The following ATP13A1 variants were observed in gnomAD, a reference collection of about 807,000 sequenced individuals.
ATP13A1 encodes the protein ATPase 13A1, also known as endoplasmic reticulum transmembrane helix translocase.
ATP13A1 carries 55 observed loss-of-function variants against 134.8 expected under a neutral mutation model. The ratio of observed to expected loss-of-function variants is 0.41; its 90% CI spans 0.33 to 0.51. ATP13A1 has a LOEUF of 0.51. Ranked by LOEUF, ATP13A1 falls within the 20% of genes least tolerant of loss-of-function variation. The pLI is 0.29. For synonymous variants in ATP13A1, 775 were observed against 725.1 expected (o/e 1.07, Z -1.10); for missense variants, 1,389 against 1,652.8 (o/e 0.84, Z 2.77).
intron 17 of ATP13A1, 114 bp downstream of exon 17, chr19:19,651,575 G>T: frequency 1.4e-6 from 1 of 730,166 alleles, no homozygotes; most frequent in Non-Finnish European, 2.2e-6. Flanking sequence ...GTGGTGCCAG[G>T]CATTTGAAGA....
In ATP13A1 at chr19:19,647,768, C is replaced by A. The variant is rs748767486; in HGVS notation, c.2633-9G>T. 1.6e-5 allele frequency: 26 copies of A among 1,586,650 alleles called. No individual in the cohort carries two copies. In the South Asian group the frequency reaches 2.7e-4, roughly 16 times the overall value. On this transcript the variant is annotated splice_polypyrimidine_tract_variant and intron_variant, in intron 19 of 25. Transcript: ENST00000357324. This position sits in a 1 kb window ranked among gnomAD's most constrained non-coding sequence, Gnocchi z 4.8. ...GGCCAAGAGCGCCACACCTGGGGGGCAGGAGGGTGTCAGACCCGGAGGAGC... is the reference window on the plus strand; with the variant it reads ...GGCCAAGAGCGCCACACCTGGGGGGAAGGAGGGTGTCAGACCCGGAGGAGC...
At position 19,649,870 on chromosome 19, in the gene ATP13A1, T is replaced by A; in HGVS notation, c.2406A>T (p.Ala802=). ...GGCACAGTGCGTACTCCAGGGCCAG[T>A]GCCTTTGGGGAGCCCCGGGCCAGGG... ...VLPLARGSPK[A]LALEYALCLT... Residue 802 remains alanine (A), a synonymous_variant, in exon 18 of 26, where the codon GCA becomes GCT. Transcript: ENST00000357324. The A allele has an allele frequency of 6.2e-7, 1 of 1,603,042 alleles. No homozygotes were observed. Among genetic ancestry groups the A allele is most frequent in the Middle Eastern group, 1.7e-4 (1 of 5,930 alleles).
Position 19,649,892 on chromosome 19 carries a change from AG to A in ATP13A1, c.2383del (p.Leu795TrpfsTer58). The part of the protein sequence containing the change: ...RSIDGSIVLP[L>X]ARGSPKALAL... ...CAGTGCCTTTGGGGAGCCCCGGGCC[AG>A]GGGCAGCACGATGCTGCCGTCAATG... is the stretch of plus-strand genomic sequence containing the variant. On this transcript the variant is annotated frameshift_variant, in exon 18 of 26. Transcript: ENST00000357324. LOFTEE classifies it high-confidence loss of function. 6.2e-7 allele frequency: 1 copy of A among 1,600,794 alleles called. No individual in the cohort carries two copies.
rs1599434452 is a variant in ATP13A1, at chr19:19,655,989, T to C, written c.1214-56A>G. ...CTGTCTCCTCGTCCTGACTCCCTCATGATCAAGCAGACGGGCAAAGGGGGT... is the reference window on the plus strand; with the variant it reads ...CTGTCTCCTCGTCCTGACTCCCTCACGATCAAGCAGACGGGCAAAGGGGGT... On this transcript the variant is annotated intron_variant, in intron 8 of 25. Coordinates refer to ENST00000357324, the MANE Select transcript of ATP13A1 (RefSeq NM_020410.3). The surrounding 1 kb of genome is among the most constrained non-coding windows in gnomAD (Gnocchi z 5.7). 1.9e-6 allele frequency: 3 copies of C among 1,610,854 alleles called. No homozygotes were observed. Among genetic ancestry groups the C allele is most frequent in the Non-Finnish European group, 2.5e-6 (3 of 1,179,308 alleles).
rs778329799 is a variant in ATP13A1, at chr19:19,649,583, C to G, written c.2616G>C (p.Leu872=). ...CGDGTNDVGA[L]KHADVGVALL... ...AGCACTCACCCACGTCAGCATGCTTCAGGGCGCCCACGTCGTTGGTGCCAT... is the reference window on the plus strand; with the variant it reads ...AGCACTCACCCACGTCAGCATGCTTGAGGGCGCCCACGTCGTTGGTGCCAT... Residue 872 remains leucine (L), a synonymous_variant, in exon 19 of 26, where the codon CTG becomes CTC. Transcript: ENST00000357324. 20 of 1,613,546 alleles carry G rather than the reference C, an allele frequency of 1.2e-5. 1 individual carries two copies. In the South Asian group the frequency reaches 2.2e-4, roughly 18 times the overall value.
rs929700741 is a variant in ATP13A1 at position 19,647,785 on chromosome 19, C to T, written c.2633-26G>A. On this transcript the variant is annotated intron_variant, in intron 19 of 25. Transcript: ENST00000357324. This position sits in a 1 kb window ranked among gnomAD's most constrained non-coding sequence, Gnocchi z 4.8. ...CTGGGGGGCAGGAGGGTGTCAGACC[C>T]GGAGGAGCAGGCTCCACGGAGGGGA... 8.3e-6 allele frequency: 13 copies of T among 1,569,442 alleles called. No individual in the cohort carries two copies. The highest frequency in any genetic ancestry group is 4.6e-5 in the East Asian group (2 of 43,682).
chr19:19,647,222 G>A lies in ATP13A1; in HGVS notation c.3012C>T (p.Val1004=), dbSNP rs375921307. ...TGAACTTGACTCCCTCCAGGTAGAG[G>A]ACGCTCTGGCTGTAGGCCAGGATGA... ...NALILAYSQS[V]LYLEGVKFSD... The change falls in exon 22 of 26, where the codon GTC becomes GTT. Residue 1004 remains valine (V), a synonymous_variant. Transcript: ENST00000357324. This position sits in a 1 kb window ranked among gnomAD's most constrained non-coding sequence, Gnocchi z 4.8. 5.6e-6 allele frequency: 9 copies of A among 1,613,830 alleles called. No homozygotes were observed. The highest frequency in any genetic ancestry group is 2.7e-5 in the African/African-American group (2 of 74,934).
chr19:19,658,530 T>C (rs902463922), intron 3 of ATP13A1, among the ~76,000 whole-genome samples: 5 of 152,188 alleles, frequency 3.3e-5, no homozygotes, highest in Non-Finnish European at 7.3e-5. Flanking sequence ...GTAGTCAACA[T>C]ATTTGTAATC....
At position 19,654,547 on chromosome 19, in the gene ATP13A1, G is replaced by A. The variant is rs770821701; in HGVS notation, c.1809C>T (p.Thr603=). The A allele has an allele frequency of 5.0e-6, 8 of 1,605,918 alleles. No homozygotes were observed. The highest frequency in any genetic ancestry group is 1.1e-5 in the South Asian group (1 of 90,438). ...CCTGAGGCCCCAGCCCCTCACCTTT[G>A]GTCAGCGTCCAGTCCACGGCCGTCA... ...AMLTAVDWTL[T]KDEKVFPRSI... Residue 603 remains threonine, a synonymous_variant, in exon 13 of 26, where the codon ACC becomes ACT. Coordinates refer to ENST00000357324, the MANE Select transcript of ATP13A1 (RefSeq NM_020410.3).
At position 19,647,791 on chromosome 19, in the gene ATP13A1, A is replaced by T; in HGVS notation, c.2633-32T>A. On this transcript the variant is annotated intron_variant, in intron 19 of 25. Coordinates refer to ENST00000357324, the MANE Select transcript of ATP13A1 (RefSeq NM_020410.3). This position sits in a 1 kb window ranked among gnomAD's most constrained non-coding sequence, Gnocchi z 4.8. ...GGCAGGAGGGTGTCAGACCCGGAGG[A>T]GCAGGCTCCACGGAGGGGAAGATTG... 1 of 1,560,506 alleles carries T rather than the reference A, an allele frequency of 6.4e-7. No individual in the cohort carries two copies. The highest frequency in any genetic ancestry group is 8.6e-7 in the Non-Finnish European group (1 of 1,159,274).
rs1157891583 is a variant in ATP13A1, at chr19:19,655,969, T to A, written c.1214-36A>T. On this transcript the variant is annotated intron_variant, in intron 8 of 25. Transcript: ENST00000357324. This position sits in a 1 kb window ranked among gnomAD's most constrained non-coding sequence, Gnocchi z 5.7. ...AAGCAGAGTCACCGTCATGCCTGTC[T>A]CCTCGTCCTGACTCCCTCATGATCA... The A allele has an allele frequency of 6.2e-7, 1 of 1,607,710 alleles. No homozygotes were observed. Among genetic ancestry groups the A allele is most frequent in the Non-Finnish European group, 8.5e-7 (1 of 1,178,808 alleles).
chr19:19,651,922 T>C (rs2062027175), intron 16 of ATP13A1, 125 bp from the exon 17 acceptor site: 1 of 721,126 alleles, frequency 1.4e-6, no homozygotes, highest in Non-Finnish European at 2.3e-6. Flanking sequence ...CTAACCGAGA[T>C]GCTGAATGGG....
chr19:19,655,602 T>C lies in ATP13A1; in HGVS notation c.1322A>G (p.Asn441Ser). Residue 441 changes from asparagine to serine, a missense_variant, in exon 10 of 26, where the codon AAC becomes AGC. By Grantham distance (46) the Asn-to-Ser change is conservative. This residue lies in a region of ATP13A1 where 747 missense variants were observed against 956.1 expected (regional missense o/e 0.78). Coordinates refer to ENST00000357324, the MANE Select transcript of ATP13A1 (RefSeq NM_020410.3). This position sits in a 1 kb window ranked among gnomAD's most constrained non-coding sequence, Gnocchi z 5.7. Reference protein sequence around the residue: ...LFGVKRVTANNLETFIFILFL... With the variant: ...LFGVKRVTANSLETFIFILFL... ...GAGGATGAAGATGAAGGTCTCCAGG[T>C]TGTTCGCAGTCACCCTCTTGACCCC... 1 of 1,613,834 alleles carries C rather than the reference T, an allele frequency of 6.2e-7. No homozygotes were observed. Among genetic ancestry groups the C allele is most frequent in the Non-Finnish European group, 8.5e-7 (1 of 1,179,838 alleles).
At position 19,655,916 on chromosome 19, in the gene ATP13A1, C is replaced by T. The variant is rs1425212376; in HGVS notation, c.1231G>A (p.Val411Met). Residue 411 changes from valine (V) to methionine (M), a missense_variant, in exon 9 of 26, where the codon GTG becomes ATG. Transcript: ENST00000357324. This position sits in a 1 kb window ranked among gnomAD's most constrained non-coding sequence, Gnocchi z 5.7. Reference protein sequence around the residue: ...TGLKPVDSGCVAYVLRTGFNT... With the variant: ...TGLKPVDSGCMAYVLRTGFNT... Reference sequence around the variant, plus strand: ...AATCCGGTCCGCAGGACGTAGGCCACGCACCCGCTGTCAACCGCTGGGGAG... The same window carrying T: ...AATCCGGTCCGCAGGACGTAGGCCATGCACCCGCTGTCAACCGCTGGGGAG... 3 of 1,599,910 alleles carry T rather than the reference C, an allele frequency of 1.9e-6. No individual in the cohort carries two copies. Among genetic ancestry groups the T allele is most frequent in the Admixed American group, 1.7e-5 (1 of 59,102 alleles).
In ATP13A1 at chr19:19,647,125, C is replaced by T; in HGVS notation, c.3105+4G>A. ...CCTGGCCTTCCAGCACCTCTGGGGC[C>T]CACCTTGGAACGGGAGATGAAGAGG... On this transcript the variant is annotated splice_donor_region_variant and intron_variant, in intron 22 of 25. Transcript: ENST00000357324. This position sits in a 1 kb window ranked among gnomAD's most constrained non-coding sequence, Gnocchi z 4.8. The T allele has an allele frequency of 2.5e-6, 4 of 1,609,658 alleles. No individual in the cohort carries two copies. The highest frequency in any genetic ancestry group is 3.4e-6 in the Non-Finnish European group (4 of 1,177,628).
At chr19:19,654,196 C>A in intron 13 of ATP13A1, 52 bp from the exon 14 acceptor site, 2 of 1,510,474 alleles carry the variant, frequency 1.3e-6, no homozygotes, top group Non-Finnish European at 1.8e-6. Flanking sequence ...AAGAGGCAGC[C>A]AAGCCCCTAC....
chr19:19,658,705 C>G (rs1486243076), intron 3 of ATP13A1, among the ~76,000 whole-genome samples: 1 of 152,190 alleles, frequency 6.6e-6, no homozygotes, highest in Non-Finnish European at 1.5e-5. Flanking sequence ...AGAGGGTGTG[C>G]ACCGCACATT....
In ATP13A1 at chr19:19,647,302, G is replaced by A; in HGVS notation, c.2932C>T (p.Arg978Cys). ...TGTAGCGTGGTCACCAGCGTGCAGC[G>A]GCCCTGCTTGATCACGTGGCAGACT... ...QCICHVIKQG[R>C]CTLVTTLQMF... Residue 978 changes from arginine to cysteine, a missense_variant, in exon 22 of 26, where the codon CGC (arginine) becomes TGC (cysteine). By Grantham distance (180) the Arg-to-Cys change is radical. Transcript: ENST00000357324. The surrounding 1 kb of genome is among the most constrained non-coding windows in gnomAD (Gnocchi z 4.8). 2 of 1,613,182 alleles carry A rather than the reference G, an allele frequency of 1.2e-6. No individual in the cohort carries two copies. The highest frequency in any genetic ancestry group is 8.5e-7 in the Non-Finnish European group (1 of 1,179,696).
rs887648610 is a variant in ATP13A1, at chr19:19,663,573, G to T, written c.94C>A (p.Pro32Thr). 1.2e-5 allele frequency: 18 copies of T among 1,499,384 alleles called. No individual in the cohort carries two copies. The African/African-American group carries it at 2.5e-4, about 20-fold the overall frequency. 92.9% of individuals were successfully genotyped at this position (1,499,384 alleles called of 1,614,324 possible). Residue 32 changes from proline to threonine, a missense_variant, in exon 1 of 26, where the codon CCG (proline) becomes ACG (threonine). By Grantham distance (38) the Pro-to-Thr change is conservative. Transcript: ENST00000357324. ...GGCCCGGCGGCAAGGAGCGCGCGCG[G>T]CTGCGGCCCGGGCTTGGGCTGCCCG... ...PDGQPKPGPQ[P>T]RALLAAGPAL...
Sources: allele counts gnomAD v4.1 joint callset (sites outside exome capture counted in the v4.1 genomes callset), GRCh38; gene constraint gnomAD v4.1.1; regional missense constraint gnomAD v4.1.1; non-coding constraint Gnocchi (gnomAD v3.1); transcripts MANE v1.5; gene names NCBI Gene and HGNC (gene_info 2026-07-23, HGNC 2026-07-21).